ANO4: variants seen among roughly 807,000 people sequenced by gnomAD.
ANO4 encodes anoctamin-4.
A neutral mutation model predicts 141.9 loss-of-function variants in ANO4; 69 were observed. That is an observed-to-expected ratio of 0.49 (90% CI 0.40 to 0.59). ANO4 has a LOEUF of 0.59. Among genes scored for constraint, ANO4 ranks in the 20% least tolerant of loss-of-function variants. The pLI is 0.00. For synonymous variants in ANO4, 350 were observed against 394.3 expected, an observed-to-expected ratio of 0.89 and a Z score of 1.33; for missense variants, 894 against 1,162.2, an observed-to-expected ratio of 0.77 and a Z score of 3.36.
chr12:100,934,887 CTGTT>C (rs535619336), intron 3 of ANO4, among the ~76,000 whole-genome samples: 16 of 152,248 alleles, frequency 1.1e-4, no homozygotes, highest in Middle Eastern at 3.4e-3. Context: ...ATTTGGCTCT[CTGTT>C]TGTCTGTTAA....
chr12:100,912,419 A>AG (rs2041148527), intron 2 of ANO4, among the ~76,000 whole-genome samples: 1 of 148,144 alleles, frequency 6.8e-6, no homozygotes, highest in South Asian at 2.2e-4. Flanking sequence ...AGAAAAAAGA[A>AG]AAAAAAAAAA....
intron 22 of ANO4, among the ~76,000 whole-genome samples, chr12:101,102,383 C>G (rs1316673926): frequency 2.0e-5 from 3 of 152,104 alleles, no homozygotes; most frequent in African/African-American, 7.2e-5. Flanking sequence ...CTTACTAAAA[C>G]TTGCGTTCGT....
intron 8 of ANO4, among the ~76,000 whole-genome samples, chr12:101,012,723 G>A (rs2046150344): frequency 6.6e-6 from 1 of 152,148 alleles, no homozygotes; most frequent in South Asian, 2.1e-4. Context: ...TGTGGTTGCT[G>A]TGTAGAGGAT....
intron 14 of ANO4, among the ~76,000 whole-genome samples, chr12:101,050,611 A>G (rs2047821604): frequency 6.6e-6 from 1 of 152,224 alleles, no homozygotes; most frequent in Non-Finnish European, 1.5e-5. Context: ...CAGTATTATA[A>G]ATACTAAATG....
At chr12:100,826,668 T>C (rs2036360386) in intron 1 of ANO4, among the ~76,000 whole-genome samples, 2 of 152,058 alleles carry the variant, frequency 1.3e-5, no homozygotes, top group African/African-American at 4.8e-5. Context: ...TGTGAATTTA[T>C]TAGTAACATT....
chr12:100,813,617 A>G (rs2035571025), intron 1 of ANO4, among the ~76,000 whole-genome samples: 1 of 152,214 alleles, frequency 6.6e-6, no homozygotes, highest in Non-Finnish European at 1.5e-5. Flanking sequence ...TTTCCAATAT[A>G]AACATATGCT....
At chr12:100,826,298 A>AAT (rs1555225465) in intron 1 of ANO4, among the ~76,000 whole-genome samples, 1 of 44,468 alleles carries the variant, frequency 2.2e-5, no homozygotes, top group African/African-American at 1.1e-4. Flanking sequence ...TTGAGAAAAA[A>AAT]AGATGGAAAA....
intron 8 of ANO4, among the ~76,000 whole-genome samples, chr12:100,994,098 A>T (rs2045263433): frequency 1.3e-5 from 2 of 152,168 alleles, no homozygotes; most frequent in South Asian, 4.1e-4. Flanking sequence ...AGAATCAAAA[A>T]TGTTTCCAGA....
chr12:100,776,959 G>T (rs976222257), intron 3 of ANO4, among the ~76,000 whole-genome samples: 17 of 152,104 alleles, frequency 1.1e-4, no homozygotes, highest in African/African-American at 4.1e-4. Context: ...CATTTAGTTG[G>T]CACAATGGGT....
At chr12:100,921,330 G>A (rs369352954) in intron 2 of ANO4, among the ~76,000 whole-genome samples, 43 of 152,182 alleles carry the variant, frequency 2.8e-4, no homozygotes, top group Middle Eastern at 3.4e-3. Flanking sequence ...CTTTAGGAAC[G>A]TAACCGAAAT....
At chr12:100,779,617 A>C (rs2033649303) in intron 3 of ANO4, among the ~76,000 whole-genome samples, 1 of 152,174 alleles carries the variant, frequency 6.6e-6, no homozygotes, top group African/African-American at 2.4e-5. Context: ...CTCCCCAGTC[A>C]CACTGTGTGG....
chr12:100,990,586 C>G (rs2045048608), intron 8 of ANO4, among the ~76,000 whole-genome samples: 1 of 152,082 alleles, frequency 6.6e-6, no homozygotes, highest in African/African-American at 2.4e-5. Context: ...TCACTTCTTG[C>G]CAGGCACTGT....
Position 100,879,384 on chromosome 12 carries a change from T to G in ANO4, c.-140-22262T>G, listed in dbSNP as rs561215936. ...AATGGAGAAGATGACTTTGGATAAC[T>G]ATTGGCTCCAGTTTCATTTGGGGAT... On this transcript the variant is annotated intron_variant, in intron 1 of 27. Coordinates refer to ENST00000392977, the MANE Select transcript of ANO4 (RefSeq NM_001286615.2). Among the ~76,000 whole-genome samples the G allele has an allele frequency of 2.5e-4, 38 of 152,302 alleles. 1 individual carries two copies. The South Asian group carries it at 7.7e-3, about 31-fold the overall frequency.
intron 1 of ANO4, among the ~76,000 whole-genome samples, chr12:100,876,040 A>T (rs376090163): frequency 2.1e-4 from 32 of 152,170 alleles, no homozygotes; most frequent in East Asian, 1.3e-3. Context: ...GCTCTCCTAC[A>T]TGGAAAGGTC....
chr12:100,851,177 A>G (rs116484386), intron 1 of ANO4, among the ~76,000 whole-genome samples: 2,670 of 152,294 alleles, frequency 0.018, 75 homozygotes, highest in African/African-American at 0.06. Context: ...TTATACCTCC[A>G]TCATCAATTT....
rs562694201 is a variant in ANO4 at position 100,802,166 on chromosome 12, C to T, written c.-141+7139C>T. ...CAAACTGTCCAGGGTGTGGAAAACC[C>T]CCTGGGTCTTTGGTGCTGTATTTCT... On this transcript the variant is annotated intron_variant, in intron 1 of 27. Transcript: ENST00000392977. Among the ~76,000 whole-genome samples the T allele has an allele frequency of 1.2e-4, 18 of 152,164 alleles. No individual in the cohort carries two copies. The South Asian group carries it at 3.7e-3, about 32-fold the overall frequency.
Position 100,974,830 on chromosome 12 carries a change from T to C in ANO4, c.558-15T>C. ...GTTTTCTTCTCGACTGGCTTCATTT[T>C]TGCTGTTCTTCCAGGAGAAAAATCT... On this transcript the variant is annotated splice_polypyrimidine_tract_variant and intron_variant, in intron 6 of 27. Coordinates refer to ENST00000392977, the MANE Select transcript of ANO4 (RefSeq NM_001286615.2). The C allele has an allele frequency of 2.5e-6, 4 of 1,614,094 alleles. No homozygotes were observed. Among genetic ancestry groups the C allele is most frequent in the Non-Finnish European group, 3.4e-6 (4 of 1,179,946 alleles).
At chr12:101,086,967 A>C in intron 17 of ANO4, 143 bp downstream of exon 17, 1 of 946,934 alleles carries the variant, frequency 1.1e-6, no homozygotes, top group Non-Finnish European at 1.5e-6. Context: ...AGTGCCTGGC[A>C]TGAAGATGCA....
chr12:101,047,993 T>C (rs2136656588), intron 13 of ANO4: 1 of 1,013,920 alleles, frequency 9.9e-7, no homozygotes, highest in South Asian at 4.6e-5. Context: ...GCACTAACAA[T>C]ACCTTCCTGG....
Sources: gnomAD v4.1 joint callset for allele counts (sites outside exome capture counted in the v4.1 genomes callset) on GRCh38, gnomAD v4.1.1 for gene constraint, MANE v1.5 for transcripts, NCBI Gene and HGNC (gene_info 2026-07-23, HGNC 2026-07-21) for gene names.